The following CES4A variants were observed in gnomAD, a reference collection of about 807,000 sequenced individuals.
CES4A encodes carboxylesterase 4A.
A neutral mutation model predicts 65.4 loss-of-function variants in CES4A; 48 were observed. The ratio of observed to expected loss-of-function variants is 0.73; its 90% CI spans 0.58 to 0.93. The LOEUF (loss-of-function observed/expected upper bound fraction) is 0.93, where lower values mean the gene tolerates loss of function less well. CES4A is among the 40% of genes least tolerant of loss of function. CES4A has a pLI of 0.00. For synonymous variants in CES4A, 247 were observed against 281.8 expected, an observed-to-expected ratio of 0.88 and a Z score of 1.24; for missense variants, 685 against 728.5, an observed-to-expected ratio of 0.94 and a Z score of 0.69.
chr16:66,997,953 AC>A (rs1964986369), intron 2 of CES4A, among the ~76,000 whole-genome samples: 2 of 2,708 alleles, frequency 7.4e-4, no homozygotes, highest in Admixed American at 4.9e-3. Context: ...TCTAAAACAC[AC>A]ACACACACAC....
At position 67,001,266 on chromosome 16, in the gene CES4A, T is replaced by C; in HGVS notation, c.537-42T>C. The C allele has an allele frequency of 6.5e-7, 1 of 1,542,892 alleles. No homozygotes were observed. Among genetic ancestry groups the C allele is most frequent in the Non-Finnish European group, 8.7e-7 (1 of 1,146,908 alleles). ...GGAGGGCAGCCCAACGCGCCCCGAC[T>C]GTCGAGGCCCGGGACCCTGACAGTG... is the stretch of plus-strand genomic sequence containing the variant. On this transcript the variant is annotated intron_variant, in intron 4 of 13. Transcript: ENST00000648724. This position sits in a 1 kb window ranked among gnomAD's most constrained non-coding sequence, Gnocchi z 4.1.
At chr16:67,009,949 C>A (rs1966047525), downstream of CES4A, among the ~76,000 whole-genome samples, 1 of 152,136 alleles carries the variant, frequency 6.6e-6, no homozygotes, top group Non-Finnish European at 1.5e-5. Context: ...AGCCACACCC[C>A]ACGCTCACTT....
chr16:67,002,445 G>A (rs866350557), intron 5 of CES4A, among the ~76,000 whole-genome samples: 4 of 152,174 alleles, frequency 2.6e-5, no homozygotes, highest in Non-Finnish European at 5.9e-5. Context: ...AGAGATCATG[G>A]GGCTGGCTCT....
In CES4A at chr16:67,005,433, C is replaced by G. The variant is rs183369737; in HGVS notation, c.1315+40C>G. 4 of 1,601,966 alleles carry G rather than the reference C, an allele frequency of 2.5e-6. No homozygotes were observed. In the East Asian group the frequency reaches 8.9e-5, roughly 36 times the overall value. On this transcript the variant is annotated intron_variant, in intron 11 of 13. Coordinates refer to ENST00000648724, the Ensembl canonical transcript of CES4A. Reference sequence around the variant, plus strand: ...CAAGAGTGGCCACACTGGCCCCGTCCACTCTCCAGGTGTGCTGTTTACCAA... The same window carrying G: ...CAAGAGTGGCCACACTGGCCCCGTCGACTCTCCAGGTGTGCTGTTTACCAA...
chr16:66,996,498 G>A (rs1964867120), intron 2 of CES4A, among the ~76,000 whole-genome samples: 2 of 152,152 alleles, frequency 1.3e-5, no homozygotes, highest in Non-Finnish European at 2.9e-5. Context: ...CCTCTCTCTG[G>A]GGGCTGAGCC....
chr16:67,003,459 T>C lies in CES4A; in HGVS notation c.901-56T>C. Reference sequence around the variant, plus strand: ...CAACTACTTCCCCAGGGACCCTGTCTCAAGAGCACACGAGGGAGACTTCCT... The same window carrying C: ...CAACTACTTCCCCAGGGACCCTGTCCCAAGAGCACACGAGGGAGACTTCCT... On this transcript the variant is annotated intron_variant, in intron 7 of 13. Transcript: ENST00000648724. This position sits in a 1 kb window ranked among gnomAD's most constrained non-coding sequence, Gnocchi z 4.2. The C allele has an allele frequency of 6.3e-7, 1 of 1,596,932 alleles. No homozygotes were observed. The highest frequency in any genetic ancestry group is 8.6e-7 in the Non-Finnish European group (1 of 1,164,500).
chr16:67,006,289 GCT>G, intron 11 of CES4A, 100 bp from the exon 12 acceptor site: 1 of 1,305,976 alleles, frequency 7.7e-7, no homozygotes, highest in Non-Finnish European at 1.0e-6. Flanking sequence ...TGAAGCCAAA[GCT>G]CTTTTTCCTG....
rs1325589988 is a variant in CES4A at position 67,000,904 on chromosome 16, T to C, written c.450T>C (p.Ser150=). 2 of 1,612,220 alleles carry C rather than the reference T, an allele frequency of 1.2e-6. No individual in the cohort carries two copies. Among genetic ancestry groups the C allele is most frequent in the South Asian group, 1.1e-5 (1 of 90,556 alleles). Residue 150 remains serine, a synonymous_variant, in exon 4 of 14, where the codon TCT becomes TCC. Transcript: ENST00000648724. This position sits in a 1 kb window ranked among gnomAD's most constrained non-coding sequence, Gnocchi z 4.2. ...GCGCCTTCATCGTGGGCGCTGCTTCTTCGTACGAGGGCTCTGACTTGGCCG... is the reference window on the plus strand; with the variant it reads ...GCGCCTTCATCGTGGGCGCTGCTTCCTCGTACGAGGGCTCTGACTTGGCCG...
Position 67,001,053 on chromosome 16 carries a change from A to G in CES4A, c.536+63A>G, listed in dbSNP as rs533345912. ...CCAGAGCGGCGGGGACTGGGTGGGA[A>G]GGGAGGGGCGGGGCCTGGGGCGGGG... On this transcript the variant is annotated intron_variant, in intron 4 of 13. Transcript: ENST00000648724. This position sits in a 1 kb window ranked among gnomAD's most constrained non-coding sequence, Gnocchi z 4.1. 3 of 268,880 alleles carry G rather than the reference A, an allele frequency of 1.1e-5. No homozygotes were observed. Among genetic ancestry groups the G allele is most frequent in the East Asian group, 1.1e-4 (1 of 8,890 alleles). The allele number at this position is 268,880 out of a possible 1,614,324, so 16.7% of individuals were successfully genotyped here. A position where few individuals can be genotyped will look rare whatever the true frequency, so the allele number is the denominator to read the frequency against.
At chr16:67,004,926 G>GTTT in intron 10 of CES4A, 53 bp downstream of exon 10, 1 of 1,401,304 alleles carries the variant, frequency 7.1e-7, no homozygotes, top group Non-Finnish European at 9.8e-7. Flanking sequence ...TGACCCCCCT[G>GTTT]TTTTTTTTAA....
chr16:66,998,231 A>G (rs1190315774), intron 2 of CES4A, among the ~76,000 whole-genome samples: 2 of 152,064 alleles, frequency 1.3e-5, no homozygotes, highest in East Asian at 1.9e-4. Flanking sequence ...GGAACCACCA[A>G]TGAGGTGGCA....
chr16:67,001,543 G>C lies in CES4A; in HGVS notation c.690+82G>C, dbSNP rs974717179. On this transcript the variant is annotated intron_variant, in intron 5 of 13. Coordinates refer to ENST00000648724, the Ensembl canonical transcript of CES4A. The surrounding 1 kb of genome is among the most constrained non-coding windows in gnomAD (Gnocchi z 4.1). Reference sequence around the variant, plus strand: ...ATGTATGCTCCACTGCACAGGCCATGTGCAGATTTGCGTGTACAGGAACGT... The same window carrying C: ...ATGTATGCTCCACTGCACAGGCCATCTGCAGATTTGCGTGTACAGGAACGT... 4.1e-6 allele frequency: 6 copies of C among 1,468,772 alleles called. No homozygotes were observed. In the African/African-American group the frequency reaches 5.7e-5, roughly 14 times the overall value. The allele number at this position is 1,468,772 out of a possible 1,614,324, so 91.0% of individuals were successfully genotyped here. A position where few individuals can be genotyped will look rare whatever the true frequency, so the allele number is the denominator to read the frequency against.
At position 67,008,954 on chromosome 16, in the gene CES4A, T is replaced by C. The variant is rs2145681644; in HGVS notation, c.1518-20T>C. 3.1e-6 allele frequency: 5 copies of C among 1,606,586 alleles called. No individual in the cohort carries two copies. In the East Asian group the frequency reaches 1.1e-4, roughly 36 times the overall value. On this transcript the variant is annotated intron_variant, in intron 13 of 13. Transcript: ENST00000648724. ...ATGAAAAGGAACACAGGTAATCCTC[T>C]CTTTTTTATTTCTGGGCAGAAACCC...
intron 13 of CES4A, 152 bp from the exon 14 acceptor site, chr16:67,008,822 C>G: frequency 3.9e-6 from 3 of 768,272 alleles, no homozygotes; most frequent in Non-Finnish European, 2.1e-6. Flanking sequence ...CCAATACACA[C>G]TTTCCTACTC....
chr16:66,993,008 G>A (rs1275735603), intron 1 of CES4A, among the ~76,000 whole-genome samples: 2 of 152,178 alleles, frequency 1.3e-5, no homozygotes, highest in African/African-American at 4.8e-5. Context: ...GATAAAAGGA[G>A]GAGGGGGCAA....
intron 11 of CES4A, 194 bp from the exon 12 acceptor site, chr16:67,006,197 A>G: frequency 3.4e-6 from 2 of 588,770 alleles, no homozygotes; most frequent in Non-Finnish European, 6.0e-6. Context: ...TATTGATACA[A>G]TTCAGAAAGG....
At position 67,001,701 on chromosome 16, in the gene CES4A, C is replaced by T. The variant is rs973557660; in HGVS notation, c.690+240C>T. ...GGGTAGTGCTGAGGCTTGGGGTAAT[C>T]AGTGAATCCAGGTGCTACCCAGCAC... On this transcript the variant is annotated intron_variant, in intron 5 of 13. Coordinates refer to ENST00000648724, the Ensembl canonical transcript of CES4A. The surrounding 1 kb of genome is among the most constrained non-coding windows in gnomAD (Gnocchi z 4.1). 6.6e-6 allele frequency among the ~76,000 whole-genome samples: 1 copy of T among 152,244 alleles called. No homozygotes were observed. The highest frequency in any genetic ancestry group is 2.4e-5 in the African/African-American group (1 of 41,472).
Position 67,001,248 on chromosome 16 carries a change from AGCCCAACGC to A in CES4A, c.537-55_537-47del. 6.6e-7 allele frequency: 1 copy of A among 1,509,376 alleles called. No homozygotes were observed. The highest frequency in any genetic ancestry group is 8.8e-7 in the Non-Finnish European group (1 of 1,131,926). 93.5% of individuals were successfully genotyped at this position (1,509,376 alleles called of 1,614,324 possible). ...CTGGGTGGGGGAAGCCCAGGAGGGC[AGCCCAACGC>A]GCCCCGACTGTCGAGGCCCGGGACC... On this transcript the variant is annotated intron_variant, in intron 4 of 13. Transcript: ENST00000648724. The surrounding 1 kb of genome is among the most constrained non-coding windows in gnomAD (Gnocchi z 4.1).
chr16:66,995,244 A>G (rs1227940534), intron 1 of CES4A, among the ~76,000 whole-genome samples: 1 of 151,836 alleles, frequency 6.6e-6, no homozygotes, highest in African/African-American at 2.4e-5. Context: ...TGGGAGGCGG[A>G]GCTTGCAGTG....
Sources: allele counts gnomAD v4.1 joint callset (sites outside exome capture counted in the v4.1 genomes callset), GRCh38; gene constraint gnomAD v4.1.1; non-coding constraint Gnocchi (gnomAD v3.1); transcripts MANE v1.5; gene names NCBI Gene and HGNC (gene_info 2026-07-23, HGNC 2026-07-21).